RCAN2: variants seen among roughly 807,000 people sequenced by gnomAD.
RCAN2 encodes the protein regulator of calcineurin 2, also known as calcipressin-2.
Under a neutral mutation model 23.6 loss-of-function variants are expected in RCAN2, and 9 were observed. That is an observed-to-expected ratio of 0.38 (90% CI 0.23 to 0.67). The LOEUF (loss-of-function observed/expected upper bound fraction) is 0.67. Ranked by LOEUF, RCAN2 falls within the 30% of genes least tolerant of loss-of-function variation. RCAN2 has a pLI of 0.51. For synonymous variants in RCAN2, 109 were observed against 115.7 expected (o/e 0.94, Z 0.37); for missense variants, 273 against 302.3 (o/e 0.90, Z 0.72).
At chr6:46,242,292 A>G (rs1766334929) in intron 4 of RCAN2, among the ~76,000 whole-genome samples, 1 of 152,122 alleles carries the variant, frequency 6.6e-6, no homozygotes, top group South Asian at 2.1e-4. Context: ...AGAACTACAG[A>G]CTGTTTTGCC....
At position 46,390,348 on chromosome 6, in the gene RCAN2, CA is replaced by C. The variant is rs1480201404; in HGVS notation, c.225+66403del. 3.3e-5 allele frequency among the ~76,000 whole-genome samples: 5 copies of C among 152,182 alleles called. No homozygotes were observed. In the East Asian group the frequency reaches 7.7e-4, roughly 23 times the overall value. ...TACACATCATGGATGAATGGAATGC[CA>C]AATATACCATGTGAGCAGGGTATTG... On this transcript the variant is annotated intron_variant, in intron 2 of 4. Coordinates refer to ENST00000371374, the MANE Select transcript of RCAN2 (RefSeq NM_001251974.2).
chr6:46,333,298 G>A (rs1053258923), intron 2 of RCAN2, among the ~76,000 whole-genome samples: 1 of 152,012 alleles, frequency 6.6e-6, no homozygotes, highest in African/African-American at 2.4e-5. Flanking sequence ...ACTATTTTCT[G>A]TCTTGGTCTT....
intron 1 of RCAN2, among the ~76,000 whole-genome samples, chr6:46,479,562 G>A (rs563395766): frequency 5.4e-5 from 8 of 148,622 alleles, no homozygotes; most frequent in Non-Finnish European, 7.4e-5. Context: ...ACTACCTGCC[G>A]TGCAGTAGGG....
chr6:46,329,611 C>T (rs1530307), intron 2 of RCAN2, among the ~76,000 whole-genome samples: 37,322 of 151,922 alleles, frequency 0.25, 8,253 homozygotes, highest in African/African-American at 0.59. Flanking sequence ...CTCCTAGATC[C>T]AGGAGTTGCA....
intron 1 of RCAN2, among the ~76,000 whole-genome samples, chr6:46,484,972 G>A (rs1768958812): frequency 6.6e-6 from 1 of 152,188 alleles, no homozygotes; most frequent in Non-Finnish European, 1.5e-5. Context: ...CTCCTGCATT[G>A]CTTGTGGGAA....
At chr6:46,399,216 T>C (rs937271127) in intron 2 of RCAN2, among the ~76,000 whole-genome samples, 1 of 152,016 alleles carries the variant, frequency 6.6e-6, no homozygotes. Context: ...AAAGCAGACA[T>C]GTCTGATGCC....
intron 2 of RCAN2, among the ~76,000 whole-genome samples, chr6:46,277,672 TC>T (rs1463810452): frequency 9.9e-5 from 15 of 152,100 alleles, no homozygotes; most frequent in African/African-American, 3.6e-4. Flanking sequence ...GCACCCCCTT[TC>T]ACCACCTAAA....
In RCAN2 at chr6:46,223,145, T is replaced by G. The variant is rs1360871167; in HGVS notation, c.728A>C (p.Asn243Thr). 5 of 1,613,148 alleles carry G rather than the reference T, an allele frequency of 3.1e-6. No individual in the cohort carries two copies. The highest frequency in any genetic ancestry group is 4.2e-6 in the Non-Finnish European group (5 of 1,179,926). The change falls in exon 5 of 5, where the codon AAC (asparagine) becomes ACC (threonine). Residue 243 changes from asparagine (N) to threonine (T), a missense_variant. By Grantham distance (65) the Asn-to-Thr change is moderately conservative. Transcript: ENST00000371374. ...RRPGLPPSVS[N>T] ...TATCGAGAAGGAGCAGGCAGCTCAG[T>G]TGGACACGGAGGGTGGCAGGCCAGG...
chr6:46,489,946 C>T (rs1769095572), intron 1 of RCAN2, among the ~76,000 whole-genome samples: 1 of 152,222 alleles, frequency 6.6e-6, no homozygotes, highest in Admixed American at 6.5e-5. Context: ...GCTCACTCTC[C>T]TGCCTAGTTG....
chr6:46,285,476 G>A (rs1335604770), intron 2 of RCAN2, among the ~76,000 whole-genome samples: 2 of 152,154 alleles, frequency 1.3e-5, no homozygotes, highest in Non-Finnish European at 2.9e-5. Context: ...CAAATAAAGA[G>A]GTTCTAATCG....
At chr6:46,446,076 C>T (rs1767695633) in intron 2 of RCAN2, among the ~76,000 whole-genome samples, 1 of 150,852 alleles carries the variant, frequency 6.6e-6, no homozygotes, top group Non-Finnish European at 1.5e-5. Flanking sequence ...AAGGTCTCCA[C>T]TAAGATTCAG....
At chr6:46,231,354 T>A (rs1211718650) in intron 4 of RCAN2, among the ~76,000 whole-genome samples, 2 of 152,016 alleles carry the variant, frequency 1.3e-5, no homozygotes, top group African/African-American at 4.8e-5. Flanking sequence ...CTTGAACTTC[T>A]AACTTCCAGA....
At chr6:46,484,584 C>T (rs1264654286) in intron 1 of RCAN2, among the ~76,000 whole-genome samples, 1 of 152,224 alleles carries the variant, frequency 6.6e-6, no homozygotes, top group Admixed American at 6.5e-5. Context: ...TGAAGCAGTT[C>T]TCACATAAGC....
At position 46,307,913 on chromosome 6, in the gene RCAN2, A is replaced by G. The variant is rs1158355234; in HGVS notation, c.226-59017T>C. Among the ~76,000 whole-genome samples, 3 of 152,186 alleles carry G rather than the reference A, an allele frequency of 2.0e-5. 1 individual carries two copies. The highest frequency in any genetic ancestry group is 4.1e-4 in the South Asian group (2 of 4,824). On this transcript the variant is annotated intron_variant, in intron 2 of 4. Coordinates refer to ENST00000371374, the MANE Select transcript of RCAN2 (RefSeq NM_001251974.2). ...TTGTTCAAGCAAGTTGGAAGAAGGAAAGAAGCCTTTATGTGTTACAGTAAT... is the reference window on the plus strand; with the variant it reads ...TTGTTCAAGCAAGTTGGAAGAAGGAGAGAAGCCTTTATGTGTTACAGTAAT...
At position 46,342,237 on chromosome 6, in the gene RCAN2, GAA is replaced by G. The variant is rs543248375; in HGVS notation, c.226-93343_226-93342del. On this transcript the variant is annotated intron_variant, in intron 2 of 4. Coordinates refer to ENST00000371374, the MANE Select transcript of RCAN2 (RefSeq NM_001251974.2). ...CAGCCCTGGAATAGGAATAAGTAAG[GAA>G]AAAGAGTATCAGGGCAAATGCTCTA... Among the ~76,000 whole-genome samples the G allele has an allele frequency of 8.7e-4, 133 of 152,262 alleles. 2 individuals carry two copies. The South Asian group carries it at 0.025, about 29-fold the overall frequency.
chr6:46,270,432 G>A (rs150697232), intron 2 of RCAN2, among the ~76,000 whole-genome samples: 299 of 152,262 alleles, frequency 2.0e-3, no homozygotes, highest in African/African-American at 6.5e-3. Context: ...TCGGCTCTTC[G>A]AGGTTGCAGC....
rs1415177441 is a variant in RCAN2, at chr6:46,325,640, C to T, written c.226-76744G>A. ...TGGAGCCCGCTCCCACTGCACGCAG[C>T]CCTCCGCGTCTGAGGCAGCACAGCA... On this transcript the variant is annotated intron_variant, in intron 2 of 4. Transcript: ENST00000371374. 5 of 1,423,068 alleles carry T rather than the reference C, an allele frequency of 3.5e-6. No individual in the cohort carries two copies. In the African/African-American group the frequency reaches 7.2e-5, roughly 21 times the overall value. 88.2% of individuals were successfully genotyped at this position (1,423,068 alleles called of 1,614,324 possible). A position where few individuals can be genotyped will look rare whatever the true frequency, so the allele number is the denominator to read the frequency against.
intron 2 of RCAN2, among the ~76,000 whole-genome samples, chr6:46,299,090 T>A (rs1333705847): frequency 1.3e-5 from 2 of 151,902 alleles, no homozygotes; most frequent in Non-Finnish European, 2.9e-5. Context: ...CAACAGACAC[T>A]GGGGACTGCT....
chr6:46,452,337 CA>C (rs1767904866), intron 2 of RCAN2, among the ~76,000 whole-genome samples: 1 of 152,116 alleles, frequency 6.6e-6, no homozygotes, highest in Non-Finnish European at 1.5e-5. Context: ...ACTATAATAA[CA>C]AACCCCAAAA....
Sources: allele counts gnomAD v4.1 joint callset (sites outside exome capture counted in the v4.1 genomes callset), GRCh38; gene constraint gnomAD v4.1.1; transcripts MANE v1.5; gene names NCBI Gene and HGNC (gene_info 2026-07-23, HGNC 2026-07-21).